CELF2: variants seen among roughly 807,000 people sequenced by gnomAD.
CELF2 encodes the protein CUG triplet repeat RNA-binding protein 2.
A neutral mutation model predicts 62.6 loss-of-function variants in CELF2; 8 were observed. The observed-to-expected ratio is 0.13, with a 90% CI of 0.07 to 0.23. The LOEUF is 0.23. Ranked by LOEUF, CELF2 falls within the 10% of genes least tolerant of loss-of-function variation. The pLI is 1.00. For missense variants in CELF2, 333 were observed against 671.0 expected (o/e 0.50, Z 5.56); for synonymous variants, 258 against 250.0 (o/e 1.03, Z -0.30).
the CELF2 span, chr10:10,792,352 G>A: frequency 2.5e-6 from 1 of 398,192 alleles, no homozygotes; most frequent in African/African-American, 2.1e-5. Context: ...GTGGGGAGTG[G>A]GTAATAATGG....
chr10:11,044,864 A>G (rs1006254098), intron 1 of CELF2, among the ~76,000 whole-genome samples: 1 of 152,228 alleles, frequency 6.6e-6, no homozygotes, highest in African/African-American at 2.4e-5. Flanking sequence ...CAAAAGGGAT[A>G]TTGACAAAAT....
the CELF2 span, among the ~76,000 whole-genome samples, chr10:10,684,103 A>G: frequency 6.6e-6 from 1 of 152,214 alleles, no homozygotes; most frequent in Admixed American, 6.5e-5. Context: ...TATCACAGGG[A>G]TTCCTACCTC....
At chr10:10,541,784 A>T in the CELF2 span, among the ~76,000 whole-genome samples, 3 of 151,918 alleles carry the variant, frequency 2.0e-5, no homozygotes, top group Non-Finnish European at 4.4e-5. Flanking sequence ...CTGTTTTATC[A>T]GCAAGGTCTT....
At chr10:11,146,572 G>A (rs766407523) in intron 1 of CELF2, among the ~76,000 whole-genome samples, 1 of 152,224 alleles carries the variant, frequency 6.6e-6, no homozygotes, top group African/African-American at 2.4e-5. Context: ...CACAAAGAAA[G>A]TGGATTGGAG....
chr10:11,314,177 A>G lies in CELF2; in HGVS notation c.1015A>G (p.Met339Val). 6.2e-7 allele frequency: 1 copy of G among 1,613,974 alleles called. No homozygotes were observed. The highest frequency in any genetic ancestry group is 1.1e-5 in the South Asian group (1 of 91,082). ...CCCCAACTCCACTGCTGGTGCAGCC[A>G]TGAACTCCTTGACCTCTCTCGGGAC... ...STPNSTAGAA[M>V]NSLTSLGTLQ... Residue 339 changes from methionine to valine, a missense_variant, in exon 10 of 13, where the codon ATG becomes GTG. Physicochemically the swap from Met to Val is conservative, Grantham distance 21 (BLOSUM62 1). Transcript: ENST00000633077. This position sits in a 1 kb window ranked among gnomAD's most constrained non-coding sequence, Gnocchi z 5.3.
At chr10:10,671,186 G>T in the CELF2 span, among the ~76,000 whole-genome samples, 2 of 117,658 alleles carry the variant, frequency 1.7e-5, no homozygotes, top group South Asian at 2.8e-4. Flanking sequence ...AAAAAAAAGA[G>T]AAAAGAATTA....
intron 2 of CELF2, among the ~76,000 whole-genome samples, chr10:10,932,294 G>C (rs1243131169): frequency 6.6e-6 from 1 of 152,152 alleles, no homozygotes; most frequent in Non-Finnish European, 1.5e-5. Context: ...AAAAGGTACA[G>C]AGATTCACTG....
the CELF2 span, among the ~76,000 whole-genome samples, chr10:10,736,407 T>C: frequency 1.4e-5 from 2 of 147,948 alleles, no homozygotes; most frequent in African/African-American, 2.5e-5. Flanking sequence ...TTTTTTTTTT[T>C]TTTGGACCAT....
chr10:11,257,832 A>C lies in CELF2; in HGVS notation c.498A>C (p.Glu166Asp). The change falls in exon 5 of 13, where the codon GAA (glutamate) becomes GAC (aspartate). Residue 166 changes from glutamate to aspartate, a missense_variant. Physicochemically the swap from Glu to Asp is conservative, Grantham distance 45. This residue lies in a region of CELF2 where 253 missense variants were observed against 503.0 expected (regional missense o/e 0.50). Coordinates refer to ENST00000633077, the MANE Select transcript of CELF2 (RefSeq NM_001326342.2). ...TGTTCTCTCCATTTGGCCAGATAGA[A>C]GAATGCCGGATCCTCCGGGGACCTG... The part of the protein sequence containing the change: ...RVMFSPFGQI[E>D]ECRILRGPDG... 1 of 1,614,246 alleles carries C rather than the reference A, an allele frequency of 6.2e-7. No individual in the cohort carries two copies. The highest frequency in any genetic ancestry group is 8.5e-7 in the Non-Finnish European group (1 of 1,180,036).
intron 1 of CELF2, among the ~76,000 whole-genome samples, chr10:10,869,485 C>A (rs777434180): frequency 6.6e-6 from 1 of 151,984 alleles, no homozygotes; most frequent in African/African-American, 2.4e-5. Context: ...TCCCTTGAAC[C>A]CAGAAGGCAG....
intron 1 of CELF2, among the ~76,000 whole-genome samples, chr10:10,880,518 CTT>C (rs901166167): frequency 1.6e-4 from 25 of 152,318 alleles, no homozygotes; most frequent in Middle Eastern, 6.8e-3. Flanking sequence ...CGGACTGACT[CTT>C]ACCCGAGAAT....
At chr10:10,496,884 T>A in the CELF2 span, among the ~76,000 whole-genome samples, 477 of 151,444 alleles carry the variant, frequency 3.1e-3, no homozygotes, top group South Asian at 8.8e-3. Flanking sequence ...TGGAGGAAAG[T>A]TATGTAATAA....
chr10:10,672,611 T>C, the CELF2 span, among the ~76,000 whole-genome samples: 2 of 152,110 alleles, frequency 1.3e-5, no homozygotes, highest in Non-Finnish European at 2.9e-5. Context: ...GCTATGTTTA[T>C]GTAGGCCTAT....
intron 2 of CELF2, among the ~76,000 whole-genome samples, chr10:10,945,196 G>T (rs2047518379): frequency 6.6e-6 from 1 of 152,184 alleles, no homozygotes; most frequent in African/African-American, 2.4e-5. Flanking sequence ...TGCTGCCAGG[G>T]GACCCAGCAT....
chr10:10,734,326 A>G, the CELF2 span, among the ~76,000 whole-genome samples: 2 of 152,152 alleles, frequency 1.3e-5, no homozygotes, highest in African/African-American at 4.8e-5. Flanking sequence ...TCTTTCATTT[A>G]TGGGCTGTAA....
At chr10:10,554,073 C>T in the CELF2 span, among the ~76,000 whole-genome samples, 1 of 152,134 alleles carries the variant, frequency 6.6e-6, no homozygotes, top group Non-Finnish European at 1.5e-5. Flanking sequence ...GTGATCCCAG[C>T]TGGAGAGACC....
At chr10:10,727,071 G>T in the CELF2 span, among the ~76,000 whole-genome samples, 1 of 152,172 alleles carries the variant, frequency 6.6e-6, no homozygotes, top group African/African-American at 2.4e-5. Flanking sequence ...TAAGGGGATG[G>T]TGCTAACCCG....
At chr10:10,657,459 C>G in the CELF2 span, among the ~76,000 whole-genome samples, 1 of 152,044 alleles carries the variant, frequency 6.6e-6, no homozygotes, top group Admixed American at 6.6e-5. Flanking sequence ...CAGCCCAGTA[C>G]TTTAAATGCG....
the CELF2 span, among the ~76,000 whole-genome samples, chr10:10,684,586 A>G: frequency 6.6e-6 from 1 of 152,132 alleles, no homozygotes; most frequent in South Asian, 2.1e-4. Flanking sequence ...TCTACAAAAC[A>G]TAAACAAAAT....
Sources: gnomAD v4.1 joint callset for allele counts (sites outside exome capture counted in the v4.1 genomes callset) on GRCh38, gnomAD v4.1.1 for gene constraint, gnomAD v4.1.1 regional missense constraint, Gnocchi (gnomAD v3.1) non-coding constraint, MANE v1.5 for transcripts, NCBI Gene and HGNC (gene_info 2026-07-23, HGNC 2026-07-21) for gene names.